Variants in RALGAPA1 observed in about 807,000 individuals in gnomAD.
RALGAPA1 encodes the protein Ral GTPase activating protein catalytic subunit alpha 1.
A neutral mutation model predicts 269.6 loss-of-function variants in RALGAPA1; 52 were observed. The ratio of observed to expected loss-of-function variants is 0.19; its 90% CI spans 0.15 to 0.24. The LOEUF (loss-of-function observed/expected upper bound fraction) is 0.24, where lower values mean the gene tolerates loss of function less well. RALGAPA1 is among the 10% of genes least tolerant of loss of function. The probability of loss-of-function intolerance (pLI) is 1.00; values close to 1 mark genes in which losing one functional copy is unlikely to be tolerated. For synonymous variants in RALGAPA1, 817 were observed against 1,008.3 expected, an observed-to-expected ratio of 0.81 and a Z score of 3.60; for missense variants, 1,917 against 3,013.9, an observed-to-expected ratio of 0.64 and a Z score of 8.52.
At chr14:35,730,412 C>T (rs985061420) in intron 12 of RALGAPA1, among the ~76,000 whole-genome samples, 3 of 152,236 alleles carry the variant, frequency 2.0e-5, no homozygotes, top group African/African-American at 7.2e-5. Flanking sequence ...GGTGTGAATC[C>T]GGTGTGCAGA....
intron 15 of RALGAPA1, 134 bp downstream of exon 15, chr14:35,722,893 A>G (rs1188464452): frequency 7.8e-6 from 4 of 512,138 alleles, no homozygotes; most frequent in East Asian, 6.1e-5. Flanking sequence ...ATACATTTTC[A>G]TTTTGTTTAA....
intron 39 of RALGAPA1, among the ~76,000 whole-genome samples, chr14:35,569,568 T>C (rs1566707064): frequency 6.6e-6 from 1 of 152,166 alleles, no homozygotes; most frequent in Non-Finnish European, 1.5e-5. Context: ...ATGGCCAGCA[T>C]TTGAGTTTAG....
chr14:35,778,476 T>C (rs546126048), intron 1 of RALGAPA1, among the ~76,000 whole-genome samples: 1 of 152,334 alleles, frequency 6.6e-6, no homozygotes, highest in Non-Finnish European at 1.5e-5. Flanking sequence ...TTCTCTTTTA[T>C]GGAAAGAACA....
At chr14:35,744,222 T>G (rs917945034) in intron 10 of RALGAPA1, among the ~76,000 whole-genome samples, 1 of 151,972 alleles carries the variant, frequency 6.6e-6, no homozygotes, top group African/African-American at 2.4e-5. Flanking sequence ...AAATACAAAA[T>G]TAGCCGGGTG....
intron 30 of RALGAPA1, among the ~76,000 whole-genome samples, chr14:35,653,225 T>C (rs2062960363): frequency 6.6e-6 from 1 of 152,164 alleles, no homozygotes. Flanking sequence ...GAATAATCTA[T>C]CTCAAAAAAC....
intron 36 of RALGAPA1, among the ~76,000 whole-genome samples, chr14:35,597,931 T>C (rs1056927192): frequency 2.1e-4 from 32 of 152,350 alleles, no homozygotes; most frequent in African/African-American, 7.0e-4. Context: ...GCTTGTTTTA[T>C]GGCCCAGGAT....
rs116879072 is a variant in RALGAPA1, at chr14:35,562,595, C to G, written c.7496+8022G>C. 6.2e-3 allele frequency among the ~76,000 whole-genome samples: 942 copies of G among 152,218 alleles called. 23 individuals are homozygous for G. Among genetic ancestry groups the G allele is most frequent in the East Asian group, 0.034 (177 of 5,182 alleles). On this transcript the variant is annotated intron_variant, in intron 39 of 41. Coordinates refer to ENST00000680220, the MANE Select transcript of RALGAPA1 (RefSeq NM_001346249.2). ...GTGCTAGCCTGGCTTATTGATGTAT[C>G]AGAGGCAATTTTCACTGATCCTAGG... is the stretch of plus-strand genomic sequence containing the variant.
In RALGAPA1 at chr14:35,684,996, A is replaced by G; in HGVS notation, c.4227T>C (p.Asp1409=). The stretch of plus-strand genomic sequence containing the variant: ...CCGAATGACTATCTGAGCTGATAAG[A>G]TCACTGCTCCCTGCACTGGCAGGAG... The part of the protein sequence containing the change: ...WTSPASAGSS[D]LISSDSHSDS... The change falls in exon 20 of 42, where the codon GAT becomes GAC. Residue 1409 remains aspartate (D), a synonymous_variant. Coordinates refer to ENST00000680220, the MANE Select transcript of RALGAPA1 (RefSeq NM_001346249.2). The G allele has an allele frequency of 6.2e-7, 1 of 1,613,506 alleles. No homozygotes were observed. Among genetic ancestry groups the G allele is most frequent in the Non-Finnish European group, 8.5e-7 (1 of 1,179,840 alleles).
chr14:35,666,628 C>G (rs1222536060), intron 26 of RALGAPA1, among the ~76,000 whole-genome samples: 1 of 152,134 alleles, frequency 6.6e-6, no homozygotes, highest in Non-Finnish European at 1.5e-5. Context: ...TCCTATGCAG[C>G]CTTTCTCAAC....
At chr14:35,753,427 T>C (rs529800268) in intron 7 of RALGAPA1, among the ~76,000 whole-genome samples, 2 of 152,048 alleles carry the variant, frequency 1.3e-5, no homozygotes, top group Non-Finnish European at 2.9e-5. Flanking sequence ...GGCCAAAAAG[T>C]AGAAACAACT....
At chr14:35,576,669 A>G (rs1424800944) in intron 37 of RALGAPA1, among the ~76,000 whole-genome samples, 1 of 152,190 alleles carries the variant, frequency 6.6e-6, no homozygotes, top group African/African-American at 2.4e-5. Flanking sequence ...GTTTGTGACA[A>G]TTCATTAAAT....
At chr14:35,691,651 C>T (rs2066495325) in intron 17 of RALGAPA1, among the ~76,000 whole-genome samples, 1 of 152,156 alleles carries the variant, frequency 6.6e-6, no homozygotes, top group Non-Finnish European at 1.5e-5. Context: ...GGGATCCATG[C>T]TACTATGGCT....
intron 4 of RALGAPA1, chr14:35,766,749 G>T: frequency 3.8e-6 from 2 of 531,192 alleles, no homozygotes; most frequent in South Asian, 1.5e-5. Context: ...CATTGCTAAT[G>T]ATTTTGTGAA....
intron 39 of RALGAPA1, among the ~76,000 whole-genome samples, chr14:35,563,414 A>G (rs2056450319): frequency 1.3e-5 from 2 of 152,138 alleles, no homozygotes; most frequent in Non-Finnish European, 2.9e-5. Flanking sequence ...ACTTAGCTGG[A>G]CACATAAGGT....
intron 16 of RALGAPA1, among the ~76,000 whole-genome samples, chr14:35,712,179 G>A (rs1322349612): frequency 3.4e-5 from 5 of 147,130 alleles, no homozygotes; most frequent in South Asian, 2.1e-4. Context: ...CCTGGGAGGC[G>A]AAGGTTGCAA....
At position 35,716,056 on chromosome 14, in the gene RALGAPA1, C is replaced by T. The variant is rs2068790798; in HGVS notation, c.2266+5632G>A. On this transcript the variant is annotated intron_variant, in intron 16 of 41. Transcript: ENST00000680220. ...CATGTAATGACTTTTTAAAAAGCCC[C>T]TTTCTTCCCAATTTTTTATTAAGAA... 8.1e-6 allele frequency: 8 copies of T among 984,858 alleles called. No homozygotes were observed. In the African/African-American group the frequency reaches 1.2e-4, roughly 15 times the overall value. 61.0% of individuals were successfully genotyped at this position (984,858 alleles called of 1,614,324 possible).
At chr14:35,659,234 GA>G in intron 27 of RALGAPA1, 38 bp from the exon 28 acceptor site, 1 of 1,451,530 alleles carries the variant, frequency 6.9e-7, no homozygotes, top group Non-Finnish European at 9.6e-7. Context: ...CAATGACTGA[GA>G]TTTCACTCAT....
At chr14:35,761,575 T>C (rs752150749) in intron 5 of RALGAPA1, among the ~76,000 whole-genome samples, 1 of 152,226 alleles carries the variant, frequency 6.6e-6, no homozygotes, top group Non-Finnish European at 1.5e-5. Flanking sequence ...ATTATTTGAT[T>C]CTAAGCTCCA....
chr14:35,664,698 G>A lies in RALGAPA1; in HGVS notation c.5272C>T (p.Pro1758Ser). ...VCFPNLYCEL[P>S]SLHPNIPDVA... ...TCAGGAATGTTGGGATGAAGAGAAG[G>A]CAGTTCACAATATAAGTTGGGAAAG... The change falls in exon 27 of 42, where the codon CCT becomes TCT. Residue 1758 changes from proline (P) to serine (S), a missense_variant. Around this residue, in one of 11 missense-constraint regions of RALGAPA1, gnomAD observed 346 missense variants for 566.1 expected, o/e 0.61. Coordinates refer to ENST00000680220, the MANE Select transcript of RALGAPA1 (RefSeq NM_001346249.2). 1.1e-5 allele frequency: 17 copies of A among 1,612,284 alleles called. No homozygotes were observed. The highest frequency in any genetic ancestry group is 6.7e-5 in the East Asian group (3 of 44,768).
Sources: allele counts gnomAD v4.1 joint callset (sites outside exome capture counted in the v4.1 genomes callset), GRCh38; gene constraint gnomAD v4.1.1; regional missense constraint gnomAD v4.1.1; transcripts MANE v1.5; gene names NCBI Gene and HGNC (gene_info 2026-07-23, HGNC 2026-07-21).